Variants in KCNH7 observed in about 807,000 individuals in gnomAD.
KCNH7 encodes the protein potassium voltage-gated channel subfamily H member 7.
Under a neutral mutation model 120.8 loss-of-function variants are expected in KCNH7, and 49 were observed. The observed-to-expected ratio is 0.41, with a 90% CI of 0.32 to 0.51. KCNH7 has a LOEUF of 0.51. Ranked by LOEUF, KCNH7 falls within the 20% of genes least tolerant of loss-of-function variation. KCNH7 has a pLI of 0.38. For synonymous variants in KCNH7, 547 were observed against 516.1 expected (o/e 1.06, Z -0.81); for missense variants, 1,097 against 1,446.6 (o/e 0.76, Z 3.92).
intron 4 of KCNH7, among the ~76,000 whole-genome samples, chr2:162,513,349 C>T (rs1170554490): frequency 3.7e-5 from 4 of 106,804 alleles, no homozygotes; most frequent in Non-Finnish European, 8.8e-5. Context: ...TTCCCTCCTT[C>T]CCTCCTTCTT....
chr2:162,732,148 TCTA>T (rs1259384335), intron 2 of KCNH7, among the ~76,000 whole-genome samples: 1 of 151,770 alleles, frequency 6.6e-6, no homozygotes, highest in Non-Finnish European at 1.5e-5. Context: ...GTGGGCAAAT[TCTA>T]GGACGATTTA....
At chr2:162,825,503 C>T (rs1493004) in intron 2 of KCNH7, among the ~76,000 whole-genome samples, 1 of 150,990 alleles carries the variant, frequency 6.6e-6, no homozygotes, top group Non-Finnish European at 1.5e-5. Context: ...TACCTTTTTG[C>T]TGTTATAATT....
At chr2:162,668,403 T>G (rs2105291045) in intron 2 of KCNH7, among the ~76,000 whole-genome samples, 1 of 152,292 alleles carries the variant, frequency 6.6e-6, no homozygotes, top group East Asian at 1.9e-4. Context: ...CAGTGAATAT[T>G]TTTTCCTTTA....
chr2:162,431,611 T>C (rs1315103879), intron 8 of KCNH7, among the ~76,000 whole-genome samples: 3 of 151,990 alleles, frequency 2.0e-5, no homozygotes, highest in Non-Finnish European at 4.4e-5. Flanking sequence ...AAGCTTTACA[T>C]AATCCCATTT....
At chr2:162,521,543 T>A (rs907382831) in intron 3 of KCNH7, among the ~76,000 whole-genome samples, 28 of 151,924 alleles carry the variant, frequency 1.8e-4, no homozygotes, top group Admixed American at 1.8e-3. Context: ...TTTATTATTA[T>A]AAGCTTTCAT....
At chr2:162,474,199 T>TGATG (rs1261765361) in intron 6 of KCNH7, among the ~76,000 whole-genome samples, 1 of 152,194 alleles carries the variant, frequency 6.6e-6, no homozygotes, top group African/African-American at 2.4e-5. Context: ...GGCATAAAAG[T>TGATG]GATACATGGC....
intron 2 of KCNH7, among the ~76,000 whole-genome samples, chr2:162,777,151 G>C (rs951200767): frequency 2.6e-5 from 4 of 152,100 alleles, no homozygotes; most frequent in Non-Finnish European, 4.4e-5. Context: ...AGTACCACCA[G>C]TATAGTACAG....
intron 8 of KCNH7, among the ~76,000 whole-genome samples, chr2:162,434,038 C>T (rs1688158116): frequency 2.0e-5 from 3 of 151,956 alleles, no homozygotes; most frequent in Non-Finnish European, 2.9e-5. Flanking sequence ...ATATGGACTA[C>T]TATGCAGCCA....
chr2:162,446,613 T>C (rs1688589987), intron 6 of KCNH7, among the ~76,000 whole-genome samples, 170 bp from the exon 7 acceptor site: 1 of 152,112 alleles, frequency 6.6e-6, no homozygotes, highest in East Asian at 1.9e-4. Flanking sequence ...CCATATAAAC[T>C]TATACAGTGT....
At position 162,817,437 on chromosome 2, in the gene KCNH7, C is replaced by A. The variant is rs377118619; in HGVS notation, c.307+19100G>T. On this transcript the variant is annotated intron_variant, in intron 2 of 15. Coordinates refer to ENST00000332142, the MANE Select transcript of KCNH7 (RefSeq NM_033272.4). ...ATTGGTGTACCATTGTCTGGCTACA[C>A]CACAACTTAATTTATCTATTAACCT... Among the ~76,000 whole-genome samples the A allele has an allele frequency of 8.5e-5, 13 of 152,150 alleles. No individual in the cohort carries two copies. The East Asian group carries it at 2.3e-3, about 27-fold the overall frequency.
At chr2:162,689,663 T>C (rs1686031707) in intron 2 of KCNH7, among the ~76,000 whole-genome samples, 1 of 152,170 alleles carries the variant, frequency 6.6e-6, no homozygotes, top group Admixed American at 6.5e-5. Flanking sequence ...TAATGTTTAA[T>C]TTAATAAAAT....
intron 14 of KCNH7, among the ~76,000 whole-genome samples, chr2:162,376,519 C>A (rs1346936046): frequency 6.6e-6 from 1 of 152,038 alleles, no homozygotes; most frequent in Non-Finnish European, 1.5e-5. Flanking sequence ...CGCCCGCCAC[C>A]ACTCCCAGCT....
intron 14 of KCNH7, among the ~76,000 whole-genome samples, chr2:162,377,554 C>T (rs993980528): frequency 4.0e-4 from 61 of 152,052 alleles, no homozygotes; most frequent in Non-Finnish European, 2.5e-4. Context: ...GACGCTGGTT[C>T]GAGATTGGAC....
chr2:162,505,087 C>T (rs555867994), intron 5 of KCNH7, among the ~76,000 whole-genome samples: 1 of 152,036 alleles, frequency 6.6e-6, no homozygotes, highest in South Asian at 2.1e-4. Flanking sequence ...GTTTACCCTG[C>T]TCCAATTTGT....
chr2:162,800,902 G>A (rs948348460), intron 2 of KCNH7, among the ~76,000 whole-genome samples: 5 of 151,670 alleles, frequency 3.3e-5, no homozygotes, highest in African/African-American at 9.7e-5. Flanking sequence ...GGTGTCAAGG[G>A]GTAGTATTTA....
At position 162,585,938 on chromosome 2, in the gene KCNH7, C is replaced by T. The variant is rs142385920; in HGVS notation, c.308-48858G>A. On this transcript the variant is annotated intron_variant, in intron 2 of 15. Transcript: ENST00000332142. ...ATGATTTGTCCAGAATCTCACAATA[C>T]CTTAAAGCGTTTATCAAACCCTGAA... Among the ~76,000 whole-genome samples the T allele has an allele frequency of 1.0e-3, 155 of 151,968 alleles. No homozygotes were observed. The Middle Eastern group carries it at 0.01, about 10-fold the overall frequency.
At chr2:162,815,774 T>G (rs1440892894) in intron 2 of KCNH7, among the ~76,000 whole-genome samples, 1 of 152,236 alleles carries the variant, frequency 6.6e-6, no homozygotes, top group Non-Finnish European at 1.5e-5. Flanking sequence ...ACAGCCATAT[T>G]AATCCCAGTT....
chr2:162,566,112 T>C (rs1301729794), intron 2 of KCNH7, among the ~76,000 whole-genome samples: 9 of 151,950 alleles, frequency 5.9e-5, no homozygotes, highest in Non-Finnish European at 1.3e-4. Flanking sequence ...TCAAAAGATA[T>C]TCACCTAAGA....
chr2:162,785,807 G>A (rs1683679066), intron 2 of KCNH7, among the ~76,000 whole-genome samples: 1 of 152,026 alleles, frequency 6.6e-6, no homozygotes, highest in Admixed American at 6.6e-5. Flanking sequence ...AACTTTTTCA[G>A]GCAAGAGTCT....
Sources: gnomAD v4.1 joint callset for allele counts (sites outside exome capture counted in the v4.1 genomes callset) on GRCh38, gnomAD v4.1.1 for gene constraint, MANE v1.5 for transcripts, NCBI Gene and HGNC (gene_info 2026-07-23, HGNC 2026-07-21) for gene names.